CTNNA3: variants seen among roughly 807,000 people sequenced by gnomAD.
CTNNA3 encodes the protein catenin alpha-3.
A neutral mutation model predicts 95.7 loss-of-function variants in CTNNA3; 76 were observed. That is an observed-to-expected ratio of 0.79 (90% CI 0.66 to 0.96). The LOEUF is 0.96. Among genes scored for constraint, CTNNA3 ranks in the 40% least tolerant of loss-of-function variants. The pLI is 0.00. For missense variants in CTNNA3, 1,191 were observed against 1,089.8 expected (o/e 1.09, Z -1.31); for synonymous variants, 431 against 374.4 (o/e 1.15, Z -1.74).
At chr10:66,961,884 G>A (rs1849127468) in intron 7 of CTNNA3, among the ~76,000 whole-genome samples, 1 of 152,032 alleles carries the variant, frequency 6.6e-6, no homozygotes, top group African/African-American at 2.4e-5. Context: ...ATGGCATATG[G>A]AGGCCAAATG....
At chr10:66,302,778 A>G (rs1320875481) in intron 12 of CTNNA3, among the ~76,000 whole-genome samples, 1 of 152,152 alleles carries the variant, frequency 6.6e-6, no homozygotes, top group Non-Finnish European at 1.5e-5. Flanking sequence ...AAAAGATTCT[A>G]AGCCAAATAT....
chr10:66,484,557 T>C (rs1304494553), intron 11 of CTNNA3, among the ~76,000 whole-genome samples: 1 of 151,972 alleles, frequency 6.6e-6, no homozygotes, highest in African/African-American at 2.4e-5. Flanking sequence ...CAGAGAAAGA[T>C]ATGCAATCAG....
At chr10:66,254,175 A>G (rs565367930) in intron 13 of CTNNA3, among the ~76,000 whole-genome samples, 1 of 152,270 alleles carries the variant, frequency 6.6e-6, no homozygotes, top group South Asian at 2.1e-4. Context: ...ATCTTGTTCG[A>G]GGAAAATTAC....
intron 5 of CTNNA3, among the ~76,000 whole-genome samples, chr10:67,301,696 T>C (rs997239224): frequency 6.6e-5 from 10 of 152,092 alleles, no homozygotes; most frequent in Non-Finnish European, 1.0e-4. Context: ...TGGCTGGGCA[T>C]GGTGGCTCAC....
At chr10:66,611,160 G>A (rs1162067766) in intron 10 of CTNNA3, among the ~76,000 whole-genome samples, 2 of 152,116 alleles carry the variant, frequency 1.3e-5, no homozygotes, top group African/African-American at 2.4e-5. Context: ...GTGAAGAGAA[G>A]TTGGTTAATG....
chr10:66,543,180 C>A (rs1165748540), intron 10 of CTNNA3, among the ~76,000 whole-genome samples: 2 of 152,042 alleles, frequency 1.3e-5, no homozygotes, highest in Non-Finnish European at 2.9e-5. Context: ...TCAATCCCTG[C>A]CTCCCAGGTT....
chr10:66,965,759 G>T (rs10997456), intron 7 of CTNNA3, among the ~76,000 whole-genome samples: 2 of 151,842 alleles, frequency 1.3e-5, no homozygotes, highest in African/African-American at 4.8e-5. Context: ...GTCAAAGGCC[G>T]CATATGTTTC....
chr10:67,695,539 A>G lies in CTNNA3; in HGVS notation c.-6+461T>C, dbSNP rs147301917. The stretch of plus-strand genomic sequence containing the variant: ...AAAACAAATAGACATTAAATTCAGA[A>G]ATTAATGCTTTTTGCCATTATCTCA... On this transcript the variant is annotated intron_variant, in intron 1 of 17. Transcript: ENST00000433211. Among the ~76,000 whole-genome samples, 592 of 152,344 alleles carry G rather than the reference A, an allele frequency of 3.9e-3. 6 individuals carry two copies. The highest frequency in any genetic ancestry group is 0.014 in the African/African-American group (564 of 41,580).
chr10:67,658,221 T>C (rs1444631908), intron 1 of CTNNA3, among the ~76,000 whole-genome samples: 2 of 152,296 alleles, frequency 1.3e-5, no homozygotes, highest in East Asian at 3.9e-4. Context: ...GAACATCAGT[T>C]TCCTAATCCA....
intron 12 of CTNNA3, among the ~76,000 whole-genome samples, chr10:66,360,895 TTCTTTC>T (rs1226009191): frequency 1.5e-5 from 2 of 135,738 alleles, no homozygotes; most frequent in Non-Finnish European, 3.2e-5. Flanking sequence ...TTTTCTTTAT[TTCTTTC>T]TCTCTCTCTC....
At chr10:67,637,429 G>T (rs1023786870) in intron 2 of CTNNA3, among the ~76,000 whole-genome samples, 2 of 152,182 alleles carry the variant, frequency 1.3e-5, no homozygotes, top group African/African-American at 2.4e-5. Context: ...AACCAAGTTG[G>T]AAAACACTCT....
At chr10:67,509,949 T>C (rs1316324552) in intron 5 of CTNNA3, among the ~76,000 whole-genome samples, 5 of 152,236 alleles carry the variant, frequency 3.3e-5, no homozygotes, top group Non-Finnish European at 7.3e-5. Flanking sequence ...CCAGTGATGA[T>C]GAGCATTTTT....
chr10:66,660,376 T>C (rs1846221044), intron 9 of CTNNA3, among the ~76,000 whole-genome samples: 2 of 152,206 alleles, frequency 1.3e-5, no homozygotes, highest in Admixed American at 6.5e-5. Flanking sequence ...TAATTTGTGA[T>C]ATGCCTCCAA....
chr10:66,736,608 T>C (rs1273314693), intron 9 of CTNNA3, among the ~76,000 whole-genome samples: 1 of 152,114 alleles, frequency 6.6e-6, no homozygotes, highest in Non-Finnish European at 1.5e-5. Flanking sequence ...TGTACAGCTT[T>C]GTAAATGGGC....
At chr10:66,930,925 A>G (rs1206464550) in intron 7 of CTNNA3, among the ~76,000 whole-genome samples, 2 of 152,134 alleles carry the variant, frequency 1.3e-5, no homozygotes, top group Non-Finnish European at 2.9e-5. Context: ...ATCTTCTGTA[A>G]TTCTCAGTAT....
intron 5 of CTNNA3, among the ~76,000 whole-genome samples, chr10:67,309,072 T>C (rs550370720): frequency 1.3e-4 from 20 of 152,268 alleles, no homozygotes; most frequent in Admixed American, 3.3e-4. Flanking sequence ...AATAGCACCA[T>C]TACAATTATG....
intron 12 of CTNNA3, among the ~76,000 whole-genome samples, chr10:66,325,110 T>C (rs1488651353): frequency 6.6e-6 from 1 of 151,878 alleles, no homozygotes; most frequent in Non-Finnish European, 1.5e-5. Context: ...ATGAGTCTTT[T>C]GGGACCAAAA....
chr10:67,754,526 C>A (rs570304860), intron 1 of CTNNA3, among the ~76,000 whole-genome samples: 1 of 152,122 alleles, frequency 6.6e-6, no homozygotes, highest in South Asian at 2.1e-4. Context: ...ACACAAAAAT[C>A]AAATCAAAAT....
chr10:67,213,638 C>T (rs1864231860), intron 6 of CTNNA3, among the ~76,000 whole-genome samples: 1 of 151,678 alleles, frequency 6.6e-6, no homozygotes, highest in African/African-American at 2.4e-5. Context: ...TGTTATTATA[C>T]ATTATCATTA....
Sources: gnomAD v4.1 joint callset for allele counts (sites outside exome capture counted in the v4.1 genomes callset) on GRCh38, gnomAD v4.1.1 for gene constraint, MANE v1.5 for transcripts, NCBI Gene and HGNC (gene_info 2026-07-23, HGNC 2026-07-21) for gene names.